The following MND1 variants were observed in gnomAD, a reference collection of about 807,000 sequenced individuals.
The protein encoded by MND1 is meiotic nuclear divisions 1, also known as meiotic nuclear division protein 1 homolog.
Under a neutral mutation model 35.1 loss-of-function variants are expected in MND1, and 28 were observed. The ratio of observed to expected loss-of-function variants is 0.80; its 90% CI spans 0.59 to 1.09. The LOEUF is 1.09. Among genes scored for constraint, MND1 ranks in the 50% least tolerant of loss-of-function variants. The pLI is 0.00. For synonymous variants in MND1, 69 were observed against 70.5 expected (o/e 0.98, Z 0.11); for missense variants, 213 against 239.6 (o/e 0.89, Z 0.73).
At chr4:153,356,179 C>T (rs939663429) in intron 3 of MND1, among the ~76,000 whole-genome samples, 2 of 152,104 alleles carry the variant, frequency 1.3e-5, no homozygotes, top group Non-Finnish European at 2.9e-5. Flanking sequence ...CTGTCGAAAA[C>T]AATGTGTTGA....
At chr4:153,397,483 G>C in intron 6 of MND1, 150 bp downstream of exon 6, 1 of 568,218 alleles carries the variant, frequency 1.8e-6, no homozygotes, top group Non-Finnish European at 3.1e-6. Flanking sequence ...TTTTGTATTT[G>C]TAACATAGTA....
chr4:153,392,659 C>T (rs1729079440), intron 4 of MND1, among the ~76,000 whole-genome samples: 1 of 152,138 alleles, frequency 6.6e-6, no homozygotes. Context: ...AGAAAAGAAG[C>T]CAACACTCTG....
In MND1 at chr4:153,344,727, G is replaced by T. The variant is rs757110907; in HGVS notation, c.-11G>T. ...GCGGGCCCGGCCAGCGGAAGCCCCTGCGCCCGCGCCATGGTAAGGACTGAG... is the reference window on the plus strand; with the variant it reads ...GCGGGCCCGGCCAGCGGAAGCCCCTTCGCCCGCGCCATGGTAAGGACTGAG... On this transcript the variant is annotated 5_prime_UTR_variant, in exon 1 of 8. Transcript: ENST00000240488. 6.3e-7 allele frequency: 1 copy of T among 1,594,578 alleles called. No homozygotes were observed. Among genetic ancestry groups the T allele is most frequent in the Non-Finnish European group, 8.5e-7 (1 of 1,171,882 alleles).
chr4:153,363,855 G>A (rs565813599), intron 4 of MND1, among the ~76,000 whole-genome samples: 6 of 152,294 alleles, frequency 3.9e-5, no homozygotes, highest in African/African-American at 1.4e-4. Flanking sequence ...AGAGAAATCA[G>A]CTATGCGGCT....
chr4:153,379,302 AAAG>A lies in MND1; in HGVS notation c.277-14942_277-14940del, dbSNP rs1320704870. On this transcript the variant is annotated intron_variant, in intron 4 of 7. Transcript: ENST00000240488. ...GAGACTCTGTCTCAAAAAAAAAAAA[AAAG>A]AAGAAGAAGAAGAAGAAAAGAAAAA... 2.3e-4 allele frequency among the ~76,000 whole-genome samples: 35 copies of A among 149,746 alleles called. No individual in the cohort carries two copies. The East Asian group carries it at 4.3e-3, about 18-fold the overall frequency.
chr4:153,348,078 G>A (rs1228645430), intron 1 of MND1, among the ~76,000 whole-genome samples: 2 of 152,180 alleles, frequency 1.3e-5, no homozygotes, highest in Non-Finnish European at 2.9e-5. Context: ...GTGGTTAGGG[G>A]ACTGGAGGTA....
At chr4:153,347,717 A>G (rs750309043) in intron 1 of MND1, among the ~76,000 whole-genome samples, 2 of 152,050 alleles carry the variant, frequency 1.3e-5, no homozygotes, top group African/African-American at 2.4e-5. Context: ...GCCTTGGGAG[A>G]TGTTTTGGAG....
intron 4 of MND1, among the ~76,000 whole-genome samples, chr4:153,360,293 A>G (rs1471835156): frequency 2.0e-5 from 3 of 152,174 alleles, no homozygotes; most frequent in African/African-American, 4.8e-5. Context: ...TCTCAACAGC[A>G]TCTTTCACAG....
intron 7 of MND1, among the ~76,000 whole-genome samples, chr4:153,411,403 A>G (rs1019275413): frequency 2.0e-5 from 3 of 152,148 alleles, no homozygotes; most frequent in Admixed American, 6.6e-5. Flanking sequence ...ATTCATAAAA[A>G]TTTCTACATT....
Position 153,351,109 on chromosome 4 carries a change from T to C in MND1, c.69+980T>C, listed in dbSNP as rs10434138. On this transcript the variant is annotated intron_variant, in intron 2 of 7. Coordinates refer to ENST00000240488, the MANE Select transcript of MND1 (RefSeq NM_032117.4). ...TGGTGAAGTCTCTATGTGAAAATTA[T>C]AGCAATTCTTCTGCTGAGTTGAAAT... 1.1e-4 allele frequency among the ~76,000 whole-genome samples: 17 copies of C among 152,308 alleles called. No homozygotes were observed. The East Asian group carries it at 3.1e-3, about 28-fold the overall frequency.
intron 4 of MND1, among the ~76,000 whole-genome samples, chr4:153,362,220 A>C (rs1773513406): frequency 6.6e-6 from 1 of 152,186 alleles, no homozygotes; most frequent in Non-Finnish European, 1.5e-5. Context: ...AACTTTAAAC[A>C]TACTGATATG....
intron 2 of MND1, among the ~76,000 whole-genome samples, chr4:153,351,148 T>C (rs1377736619): frequency 6.6e-6 from 1 of 152,150 alleles, no homozygotes; most frequent in African/African-American, 2.4e-5. Context: ...TTTCCTATGG[T>C]CTCAGCAAGA....
chr4:153,369,095 A>C (rs1220887573), intron 4 of MND1, among the ~76,000 whole-genome samples: 1 of 152,178 alleles, frequency 6.6e-6, no homozygotes, highest in African/African-American at 2.4e-5. Flanking sequence ...TCATGTGGTT[A>C]TTGGATTTAG....
intron 6 of MND1, among the ~76,000 whole-genome samples, chr4:153,408,288 A>C (rs970068737): frequency 6.6e-6 from 1 of 152,168 alleles, no homozygotes; most frequent in Non-Finnish European, 1.5e-5. Flanking sequence ...TAAATAAATA[A>C]ATAAAAATTA....
At chr4:153,391,524 G>A (rs577422449) in intron 4 of MND1, among the ~76,000 whole-genome samples, 10 of 151,982 alleles carry the variant, frequency 6.6e-5, no homozygotes, top group South Asian at 6.2e-4. Context: ...TCAGGAGTTC[G>A]AGACCAGCCT....
intron 4 of MND1, chr4:153,361,514 C>T: frequency 2.2e-6 from 1 of 456,216 alleles, no homozygotes; most frequent in Non-Finnish European, 4.4e-6. Flanking sequence ...ACCCTGGCTG[C>T]TGCTTCCATG....
At chr4:153,357,748 A>AT (rs1421958877) in intron 3 of MND1, among the ~76,000 whole-genome samples, 2 of 152,246 alleles carry the variant, frequency 1.3e-5, no homozygotes, top group Non-Finnish European at 2.9e-5. Flanking sequence ...AAAACAAAAA[A>AT]CAAAATTCAA....
intron 4 of MND1, among the ~76,000 whole-genome samples, chr4:153,366,570 T>G (rs2149638091): frequency 6.6e-6 from 1 of 152,328 alleles, no homozygotes; most frequent in Non-Finnish European, 1.5e-5. Context: ...AACCAACGGC[T>G]TCACTAATCT....
intron 2 of MND1, among the ~76,000 whole-genome samples, chr4:153,352,758 A>AC (rs1424783915): frequency 6.6e-6 from 1 of 151,798 alleles, no homozygotes; most frequent in Admixed American, 6.6e-5. Context: ...AAAAAAAAAA[A>AC]AAAAAAAAAA....
Sources: gnomAD v4.1 joint callset for allele counts (sites outside exome capture counted in the v4.1 genomes callset) on GRCh38, gnomAD v4.1.1 for gene constraint, MANE v1.5 for transcripts, NCBI Gene and HGNC (gene_info 2026-07-23, HGNC 2026-07-21) for gene names.